Variants in CLYBL observed in about 807,000 individuals in gnomAD.
CLYBL encodes citramalyl-CoA lyase, mitochondrial.
CLYBL carries 31 observed loss-of-function variants against 38.9 expected under a neutral mutation model. The ratio of observed to expected loss-of-function variants is 0.80; its 90% CI spans 0.60 to 1.08. The LOEUF is 1.08. Ranked by LOEUF, CLYBL falls within the 50% of genes least tolerant of loss-of-function variation. CLYBL has a pLI of 0.00. For synonymous variants in CLYBL, 171 were observed against 158.6 expected (o/e 1.08, Z -0.59); for missense variants, 434 against 411.6 (o/e 1.05, Z -0.47).
At chr13:99,674,142 C>CTTTTTTTT (rs1167068936) in intron 1 of CLYBL, among the ~76,000 whole-genome samples, 15 of 51,154 alleles carry the variant, frequency 2.9e-4, no homozygotes, top group African/African-American at 1.0e-3. Context: ...TACTAGAATT[C>CTTTTTTTT]TTTTTTTTTT....
In CLYBL at chr13:99,644,695, A is replaced by G. The variant is rs142826646; in HGVS notation, c.62+37938A>G. 6.9e-3 allele frequency among the ~76,000 whole-genome samples: 1,054 copies of G among 152,192 alleles called. 9 individuals carry two copies. The highest frequency in any genetic ancestry group is 0.024 in the African/African-American group (988 of 41,514). The stretch of plus-strand genomic sequence containing the variant: ...TACCCTTCCCAGCCCCTGATAACCA[A>G]TATTCTAGTCTCTGTCCCCATGATT... On this transcript the variant is annotated intron_variant, in intron 1 of 8. Transcript: ENST00000339105.
At chr13:99,823,446 G>C (rs2050625574) in intron 2 of CLYBL, among the ~76,000 whole-genome samples, 1 of 152,206 alleles carries the variant, frequency 6.6e-6, no homozygotes, top group Non-Finnish European at 1.5e-5. Context: ...TACCCTGAAA[G>C]CATCCCTGTG....
At chr13:99,750,748 T>C (rs925777813) in intron 1 of CLYBL, among the ~76,000 whole-genome samples, 3 of 151,182 alleles carry the variant, frequency 2.0e-5, no homozygotes, top group African/African-American at 7.3e-5. Context: ...AAAAAAAATC[T>C]TATGTTTAAG....
intron 1 of CLYBL, among the ~76,000 whole-genome samples, chr13:99,721,584 C>G (rs1594138296): frequency 6.6e-6 from 1 of 151,078 alleles, no homozygotes. Flanking sequence ...CCCATTAACT[C>G]GTCATTTACA....
At chr13:99,706,121 A>G (rs2048143730) in intron 1 of CLYBL, among the ~76,000 whole-genome samples, 1 of 152,024 alleles carries the variant, frequency 6.6e-6, no homozygotes, top group Admixed American at 6.6e-5. Context: ...TAGTAGAGAC[A>G]GGGTTTCACC....
At chr13:99,690,690 C>G (rs1189095642) in intron 1 of CLYBL, 2 of 152,200 alleles carry the variant, frequency 1.3e-5, no homozygotes, top group Non-Finnish European at 2.9e-5. Context: ...AGGCACAACT[C>G]TTTTGAAAGA....
At chr13:99,866,027 T>G (rs1400527590) in intron 5 of CLYBL, among the ~76,000 whole-genome samples, 1 of 152,206 alleles carries the variant, frequency 6.6e-6, no homozygotes, top group Non-Finnish European at 1.5e-5. Flanking sequence ...GTAATTCTAT[T>G]GAAAGATGCC....
intron 9 of CLYBL, among the ~76,000 whole-genome samples, chr13:99,905,784 G>A (rs1368073560): frequency 6.7e-6 from 1 of 148,204 alleles, no homozygotes; most frequent in African/African-American, 2.5e-5. Context: ...GGTTGTTTTT[G>A]AGACAGGGTC....
intron 1 of CLYBL, among the ~76,000 whole-genome samples, chr13:99,663,881 C>T (rs7332426): frequency 0.016 from 2,403 of 152,274 alleles, 65 homozygotes; most frequent in African/African-American, 0.055. Flanking sequence ...GAGCCTTATG[C>T]TAGAACCATT....
At chr13:99,799,394 T>C (rs6491532) in intron 2 of CLYBL, among the ~76,000 whole-genome samples, 190 of 23,046 alleles carry the variant, frequency 8.2e-3, no homozygotes, top group East Asian at 0.055. Flanking sequence ...CACACACACA[T>C]ACACACACAC....
At chr13:99,658,363 G>A (rs2047359646) in intron 1 of CLYBL, among the ~76,000 whole-genome samples, 1 of 152,230 alleles carries the variant, frequency 6.6e-6, no homozygotes, top group South Asian at 2.1e-4. Context: ...CCGCGGACTG[G>A]GTGACAAGTC....
intron 2 of CLYBL, among the ~76,000 whole-genome samples, chr13:99,779,731 G>C (rs2806309): frequency 0.76 from 115,037 of 152,088 alleles, 43,730 homozygotes; most frequent in Middle Eastern, 0.8. Flanking sequence ...ACAAACCATA[G>C]CTTGAGTAGC....
chr13:99,714,542 G>A (rs1406297322), intron 1 of CLYBL, among the ~76,000 whole-genome samples: 1 of 151,990 alleles, frequency 6.6e-6, no homozygotes, highest in African/African-American at 2.4e-5. Flanking sequence ...GCTTGAACCG[G>A]GGAGGTAGAG....
chr13:99,883,962 T>C (rs907075341), intron 7 of CLYBL, among the ~76,000 whole-genome samples: 2 of 152,208 alleles, frequency 1.3e-5, no homozygotes, highest in Non-Finnish European at 2.9e-5. Context: ...CTTTAACTGT[T>C]AAGTCATTTG....
intron 2 of CLYBL, among the ~76,000 whole-genome samples, chr13:99,819,886 A>G (rs1052923758): frequency 6.6e-6 from 1 of 152,098 alleles, no homozygotes; most frequent in Non-Finnish European, 1.5e-5. Flanking sequence ...TCTCCCAAAA[A>G]CACCCTCACA....
chr13:99,648,775 C>T (rs2047211617), intron 1 of CLYBL, among the ~76,000 whole-genome samples: 1 of 151,702 alleles, frequency 6.6e-6, no homozygotes, highest in African/African-American at 2.4e-5. Flanking sequence ...ATGTTAGCTA[C>T]CTAGTGTCAC....
intron 1 of CLYBL, among the ~76,000 whole-genome samples, chr13:99,674,876 C>T (rs183203579): frequency 8.5e-5 from 13 of 152,182 alleles, no homozygotes; most frequent in South Asian, 8.3e-4. Context: ...AACCAAGAAT[C>T]GACTATTGAA....
rs1293216825 is a variant in CLYBL at position 99,677,563 on chromosome 13, C to T, written c.62+70806C>T. Among the ~76,000 whole-genome samples the T allele has an allele frequency of 8.5e-5, 13 of 152,118 alleles. No individual in the cohort carries two copies. In the South Asian group the frequency reaches 1.0e-3, roughly 12 times the overall value. ...GTAGTTATTAAAGCTTGTGTGTTTG[C>T]GATTTATCTGGCAAAATGCCTTTAG... On this transcript the variant is annotated intron_variant, in intron 1 of 8. Transcript: ENST00000339105.
In CLYBL at chr13:99,863,099, A is replaced by G. The variant is rs2051648827; in HGVS notation, c.540+7A>G. ...GGGTTTGCTCAATTTTAAGGTAAGGAAGCCATAATACGGTTAATAAGTTAG... is the reference window on the plus strand; with the variant it reads ...GGGTTTGCTCAATTTTAAGGTAAGGGAGCCATAATACGGTTAATAAGTTAG... On this transcript the variant is annotated splice_region_variant and intron_variant, in intron 4 of 8. Coordinates refer to ENST00000339105, the MANE Select transcript of CLYBL (RefSeq NM_206808.5). 1 of 1,487,846 alleles carries G rather than the reference A, an allele frequency of 6.7e-7. No homozygotes were observed. Among genetic ancestry groups the G allele is most frequent in the Non-Finnish European group, 9.3e-7 (1 of 1,070,296 alleles). 92.2% of individuals were successfully genotyped at this position (1,487,846 alleles called of 1,614,324 possible).
Sources: gnomAD v4.1 joint callset for allele counts (sites outside exome capture counted in the v4.1 genomes callset) on GRCh38, gnomAD v4.1.1 for gene constraint, MANE v1.5 for transcripts, NCBI Gene and HGNC (gene_info 2026-07-23, HGNC 2026-07-21) for gene names.